CEP63: variants seen among roughly 807,000 people sequenced by gnomAD.
The protein encoded by CEP63 is centrosomal protein 63.
CEP63 carries 84 observed loss-of-function variants against 89.1 expected under a neutral mutation model. That is an observed-to-expected ratio of 0.94 (90% CI 0.79 to 1.13). The LOEUF is 1.13. Ranked by LOEUF, CEP63 falls within the 50% of genes most tolerant of loss-of-function variation. The pLI is 0.00. For synonymous variants in CEP63, 267 were observed against 272.5 expected (o/e 0.98, Z 0.20); for missense variants, 838 against 813.3 (o/e 1.03, Z -0.37).
chr3:134,584,972 T>TGTTTTTTG (rs1315261217), intron 10 of CEP63, among the ~76,000 whole-genome samples: 2 of 150,540 alleles, frequency 1.3e-5, no homozygotes, highest in African/African-American at 4.9e-5. Context: ...TTTTTTTTTT[T>TGTTTTTTG]TTGCATGGAG....
the CEP63 span, among the ~76,000 whole-genome samples, chr3:134,677,665 C>G: frequency 1.3e-5 from 2 of 152,136 alleles, no homozygotes; most frequent in Non-Finnish European, 2.9e-5. Flanking sequence ...CTCTCATCTT[C>G]TCCTCCTTCT....
the CEP63 span, among the ~76,000 whole-genome samples, chr3:134,736,329 C>T: frequency 6.6e-6 from 1 of 152,044 alleles, no homozygotes; most frequent in Non-Finnish European, 1.5e-5. Flanking sequence ...TTTTATTTAA[C>T]ATTTTACAAG....
chr3:134,670,821 T>C, the CEP63 span, among the ~76,000 whole-genome samples: 4 of 152,234 alleles, frequency 2.6e-5, no homozygotes, highest in Non-Finnish European at 4.4e-5. Context: ...CCTCCCATAC[T>C]GTATACTGTA....
intron 3 of CEP63, among the ~76,000 whole-genome samples, chr3:134,528,545 TAAG>T (rs537925888): frequency 5.5e-4 from 80 of 145,890 alleles, no homozygotes; most frequent in South Asian, 3.9e-3. Flanking sequence ...ACTGAAAGCT[TAAG>T]GAGGGGTGTG....
chr3:134,740,274 A>C, the CEP63 span, among the ~76,000 whole-genome samples: 41 of 141,396 alleles, frequency 2.9e-4, 1 homozygote, highest in East Asian at 7.2e-3. Flanking sequence ...TCTTTTATTT[A>C]TTTATTTATT....
chr3:134,584,528 A>T (rs1346736893), intron 10 of CEP63, among the ~76,000 whole-genome samples: 1 of 152,144 alleles, frequency 6.6e-6, no homozygotes, highest in Non-Finnish European at 1.5e-5. Context: ...GGATGAAGCC[A>T]ACTTGATCAT....
chr3:134,677,790 C>A, the CEP63 span, among the ~76,000 whole-genome samples: 3 of 152,058 alleles, frequency 2.0e-5, no homozygotes, highest in Non-Finnish European at 4.4e-5. Flanking sequence ...GAAGCACCCC[C>A]ATGGACGCAG....
chr3:134,747,769 T>A, the CEP63 span, among the ~76,000 whole-genome samples: 2 of 152,180 alleles, frequency 1.3e-5, no homozygotes, highest in Admixed American at 1.3e-4. Flanking sequence ...ACTGTAACTG[T>A]GATAAATGAC....
the CEP63 span, among the ~76,000 whole-genome samples, chr3:134,696,296 G>C: frequency 6.6e-6 from 1 of 152,156 alleles, no homozygotes; most frequent in African/African-American, 2.4e-5. Context: ...TCTCTGCCTG[G>C]GACAAGCTCT....
At chr3:134,603,900 A>G in the CEP63 span, 1,047,655 of 1,613,692 alleles carry the variant, frequency 0.65, 343,051 homozygotes, top group East Asian at 0.84. Flanking sequence ...CACAGCATAC[A>G]AGGTAATTAA....
At chr3:134,576,859 CTT>C (rs35831235), downstream of CEP63, among the ~76,000 whole-genome samples, 48,097 of 151,870 alleles carry the variant, frequency 0.32, 7,853 homozygotes, top group African/African-American at 0.35. Flanking sequence ...GGAACTAAAA[CTT>C]GGCTCCCTGT....
chr3:134,710,081 G>A, the CEP63 span, among the ~76,000 whole-genome samples: 1 of 152,210 alleles, frequency 6.6e-6, no homozygotes, highest in African/African-American at 2.4e-5. Context: ...TGGAGGGGTG[G>A]GGACCCACGC....
At chr3:134,660,805 G>T in the CEP63 span, among the ~76,000 whole-genome samples, 1 of 152,162 alleles carries the variant, frequency 6.6e-6, no homozygotes. Flanking sequence ...TTGAGTGTGA[G>T]GACAGTCAGG....
the CEP63 span, among the ~76,000 whole-genome samples, chr3:134,612,200 T>A: frequency 0.16 from 24,849 of 152,146 alleles, 2,082 homozygotes; most frequent in South Asian, 0.25. Flanking sequence ...CTCTAAGGAA[T>A]CCCATAAGAA....
At chr3:134,537,318 A>G (rs767968912) in intron 6 of CEP63, 50 bp downstream of exon 6, 1 of 1,137,140 alleles carries the variant, frequency 8.8e-7, no homozygotes, top group Non-Finnish European at 1.3e-6. Context: ...GTTTTGATCA[A>G]GTTTGAACTA....
the CEP63 span, among the ~76,000 whole-genome samples, chr3:134,623,760 G>A: frequency 9.0e-4 from 137 of 152,238 alleles, no homozygotes; most frequent in African/African-American, 3.0e-3. Flanking sequence ...CCGACATGGC[G>A]TCTGTCCTGA....
chr3:134,509,203 C>T (rs1054491617), intron 3 of CEP63, among the ~76,000 whole-genome samples: 2 of 152,058 alleles, frequency 1.3e-5, no homozygotes, highest in Non-Finnish European at 2.9e-5. Flanking sequence ...TCTGGGGAGG[C>T]CCCAGGAAAC....
chr3:134,706,588 C>G, the CEP63 span, among the ~76,000 whole-genome samples: 1 of 152,136 alleles, frequency 6.6e-6, no homozygotes, highest in Non-Finnish European at 1.5e-5. Context: ...ATCAACTCTC[C>G]CCTTGATGGT....
chr3:134,525,787 G>A (rs932788111), intron 3 of CEP63, among the ~76,000 whole-genome samples: 3 of 152,212 alleles, frequency 2.0e-5, no homozygotes, highest in Admixed American at 6.5e-5. Context: ...GGCTTGTAGG[G>A]TTTCTGCCAA....
Sources: gnomAD v4.1 joint callset for allele counts (sites outside exome capture counted in the v4.1 genomes callset) on GRCh38, gnomAD v4.1.1 for gene constraint, MANE v1.5 for transcripts, NCBI Gene and HGNC (gene_info 2026-07-23, HGNC 2026-07-21) for gene names.